SUMF1: variants seen among roughly 807,000 people sequenced by gnomAD.
The protein encoded by SUMF1 is sulfatase modifying factor 1, also known as formylglycine-generating enzyme.
In SUMF1, 48 loss-of-function variants were observed where a neutral mutation model predicts 47.6. That is an observed-to-expected ratio of 1.01 (90% CI 0.80 to 1.28). The LOEUF is 1.28. Ranked by LOEUF, SUMF1 falls within the 50% of genes most tolerant of loss-of-function variation. SUMF1 has a pLI of 0.00. For missense variants in SUMF1, 571 were observed against 485.4 expected, an observed-to-expected ratio of 1.18 and a Z score of -1.66; for synonymous variants, 230 against 192.1, an observed-to-expected ratio of 1.20 and a Z score of -1.63.
chr3:4,460,498 A>G (rs941182650), intron 1 of SUMF1, among the ~76,000 whole-genome samples: 2 of 151,230 alleles, frequency 1.3e-5, no homozygotes, highest in Non-Finnish European at 2.9e-5. Context: ...TCCATAAACC[A>G]CTTTGTCTCT....
intron 8 of SUMF1, among the ~76,000 whole-genome samples, chr3:4,263,282 G>C (rs1163511073): frequency 1.3e-5 from 2 of 152,084 alleles, no homozygotes; most frequent in African/African-American, 2.4e-5. Context: ...ATGGCATCAT[G>C]AACTGCCTTC....
At chr3:4,066,466 G>A (rs1293173785) in intron 9 of SUMF1, among the ~76,000 whole-genome samples, 2 of 152,062 alleles carry the variant, frequency 1.3e-5, no homozygotes, top group Non-Finnish European at 2.9e-5. Context: ...TGGTATTAAA[G>A]CTTGAAACTT....
chr3:4,212,337 G>A (rs1343140128), intron 8 of SUMF1, among the ~76,000 whole-genome samples: 3 of 152,124 alleles, frequency 2.0e-5, no homozygotes, highest in African/African-American at 2.4e-5. Flanking sequence ...GCGGCAGAGG[G>A]GCCTGATTGT....
chr3:4,237,806 G>C (rs141215525), intron 8 of SUMF1, among the ~76,000 whole-genome samples: 80 of 152,126 alleles, frequency 5.3e-4, no homozygotes, highest in Middle Eastern at 3.4e-3. Context: ...AATACTTTAA[G>C]TGCTGGGATA....
chr3:4,100,875 T>C (rs534439135), intron 8 of SUMF1, among the ~76,000 whole-genome samples: 2 of 151,996 alleles, frequency 1.3e-5, no homozygotes, highest in East Asian at 1.9e-4. Flanking sequence ...GAGGAAGACA[T>C]AGAAATGATC....
chr3:4,255,182 G>C (rs1021227205), intron 8 of SUMF1, among the ~76,000 whole-genome samples: 6 of 142,650 alleles, frequency 4.2e-5, no homozygotes, highest in African/African-American at 5.1e-5. Context: ...AAAGACCATC[G>C]AGACTAGGAA....
At chr3:4,114,927 T>C (rs558923570) in intron 8 of SUMF1, among the ~76,000 whole-genome samples, 42 of 152,210 alleles carry the variant, frequency 2.8e-4, no homozygotes, top group African/African-American at 1.0e-3. Context: ...AGGGAAGCAC[T>C]GGGTGGAGAA....
At chr3:4,294,588 G>T (rs1259420743) in intron 8 of SUMF1, among the ~76,000 whole-genome samples, 2 of 152,082 alleles carry the variant, frequency 1.3e-5, no homozygotes, top group African/African-American at 4.8e-5. Flanking sequence ...GCAAGAACCT[G>T]TCTCAACAAC....
At chr3:4,131,886 C>T (rs984348680) in intron 8 of SUMF1, among the ~76,000 whole-genome samples, 1 of 152,118 alleles carries the variant, frequency 6.6e-6, no homozygotes, top group Non-Finnish European at 1.5e-5. Flanking sequence ...GGACCATGAA[C>T]AAAGTGGCCA....
At chr3:4,273,131 T>C (rs930386627) in intron 8 of SUMF1, among the ~76,000 whole-genome samples, 3 of 149,592 alleles carry the variant, frequency 2.0e-5, no homozygotes, top group Non-Finnish European at 4.4e-5. Context: ...CACACATATA[T>C]ATATATATAG....
intron 1 of SUMF1, among the ~76,000 whole-genome samples, chr3:4,465,944 C>G (rs572867206): frequency 1.3e-5 from 2 of 152,154 alleles, no homozygotes; most frequent in African/African-American, 4.8e-5. Context: ...CAGGATTAAC[C>G]CAAAGGAAAG....
chr3:4,137,900 G>A (rs1355827315), intron 8 of SUMF1, among the ~76,000 whole-genome samples: 3 of 138,418 alleles, frequency 2.2e-5, no homozygotes, highest in Non-Finnish European at 3.2e-5. Context: ...CTTGCATATA[G>A]TAAACACTAA....
intron 4 of SUMF1, among the ~76,000 whole-genome samples, chr3:4,419,729 G>A (rs151318007): frequency 8.3e-4 from 126 of 152,146 alleles, no homozygotes; most frequent in African/African-American, 2.8e-3. Context: ...TCATAGACCC[G>A]CTAATAATGG....
intron 8 of SUMF1, chr3:4,303,465 G>A (rs375220596): frequency 1.0e-4 from 153 of 1,531,964 alleles, no homozygotes; most frequent in Non-Finnish European, 1.3e-4. Context: ...GATGTCGCGT[G>A]CGGCCAGGAA....
intron 8 of SUMF1, among the ~76,000 whole-genome samples, chr3:4,309,883 C>T (rs1698337515): frequency 6.6e-6 from 1 of 152,180 alleles, no homozygotes; most frequent in Non-Finnish European, 1.5e-5. Context: ...TATGGGGAAA[C>T]AGTCTGAGAA....
At chr3:4,455,024 TA>T (rs1278542837) in intron 1 of SUMF1, among the ~76,000 whole-genome samples, 1 of 152,238 alleles carries the variant, frequency 6.6e-6, no homozygotes, top group African/African-American at 2.4e-5. Flanking sequence ...ATAACTATAT[TA>T]AAAACCACTG....
At chr3:4,065,089 C>CA (rs1695346478) in intron 9 of SUMF1, among the ~76,000 whole-genome samples, 1 of 152,174 alleles carries the variant, frequency 6.6e-6, no homozygotes, top group Non-Finnish European at 1.5e-5. Context: ...TAAAGTTCTA[C>CA]AGCAGAAGGA....
intron 8 of SUMF1, among the ~76,000 whole-genome samples, chr3:4,156,571 T>A (rs1694456898): frequency 6.6e-6 from 1 of 151,648 alleles, no homozygotes; most frequent in South Asian, 2.1e-4. Context: ...ACTTCTACCT[T>A]GTCACCAAGC....
At chr3:4,068,590 G>A (rs916536133) in exon 9 of SUMF1, 4 of 391,374 alleles carry the variant, frequency 1.0e-5, no homozygotes, top group Non-Finnish European at 2.1e-5. Flanking sequence ...ATTCAAACTT[G>A]CCACATGTCA....
Sources: allele counts gnomAD v4.1 joint callset (sites outside exome capture counted in the v4.1 genomes callset), GRCh38; gene constraint gnomAD v4.1.1; transcripts MANE v1.5; gene names NCBI Gene and HGNC (gene_info 2026-07-23, HGNC 2026-07-21).